ADCY9: variants seen among roughly 807,000 people sequenced by gnomAD.
ADCY9 encodes the protein adenylate cyclase 9.
In ADCY9, 50 loss-of-function variants were observed where a neutral mutation model predicts 101.5. The ratio of observed to expected loss-of-function variants is 0.49; its 90% CI spans 0.39 to 0.62. The LOEUF is 0.62. Among genes scored for constraint, ADCY9 ranks in the 20% least tolerant of loss-of-function variants. The pLI, the probability that ADCY9 is intolerant of heterozygous loss-of-function variation, is 0.00. For missense variants in ADCY9, 1,662 were observed against 1,800.4 expected (o/e 0.92, Z 1.39); for synonymous variants, 905 against 769.3 (o/e 1.18, Z -2.92).
intron 2 of ADCY9, among the ~76,000 whole-genome samples, chr16:4,109,229 G>T (rs1372488115): frequency 1.3e-5 from 2 of 151,648 alleles, no homozygotes; most frequent in Non-Finnish European, 2.9e-5. Flanking sequence ...CTATTTGAAG[G>T]CCTGGTTTTT....
intron 8 of ADCY9, among the ~76,000 whole-genome samples, chr16:3,978,876 T>C (rs2531987): frequency 0.69 from 104,187 of 152,018 alleles, 37,057 homozygotes; most frequent in Non-Finnish European, 0.78. Flanking sequence ...CCTGCCACCA[T>C]GACCAGCTAA....
At chr16:4,091,120 C>T (rs1195890995) in intron 2 of ADCY9, among the ~76,000 whole-genome samples, 1 of 152,032 alleles carries the variant, frequency 6.6e-6, no homozygotes, top group African/African-American at 2.4e-5. Flanking sequence ...GTCACCCAGG[C>T]TGGAGCGCAG....
intron 6 of ADCY9, among the ~76,000 whole-genome samples, chr16:3,987,726 G>T (rs986923168): frequency 5.9e-5 from 9 of 152,320 alleles, no homozygotes; most frequent in African/African-American, 2.2e-4. Context: ...GGTCTCTCTA[G>T]AGCCCAAGCC....
intron 2 of ADCY9, among the ~76,000 whole-genome samples, chr16:4,027,080 C>T (rs1165345938): frequency 6.6e-6 from 1 of 152,158 alleles, no homozygotes; most frequent in Non-Finnish European, 1.5e-5. Context: ...TGCAACCAAT[C>T]AGACTGGTCA....
intron 5 of ADCY9, among the ~76,000 whole-genome samples, chr16:3,989,881 A>G (rs1018220898): frequency 2.6e-5 from 4 of 152,236 alleles, no homozygotes; most frequent in African/African-American, 9.7e-5. Flanking sequence ...CGTAAAAGCT[A>G]ACAGGTTGTT....
At chr16:4,098,235 T>G (rs945309643) in intron 2 of ADCY9, among the ~76,000 whole-genome samples, 13 of 151,686 alleles carry the variant, frequency 8.6e-5, no homozygotes, top group African/African-American at 1.7e-4. Flanking sequence ...TTTTGTTTTG[T>G]TTTTGTTTTT....
chr16:4,084,100 TTTTG>T (rs1290966234), intron 2 of ADCY9, among the ~76,000 whole-genome samples: 3 of 151,970 alleles, frequency 2.0e-5, no homozygotes, highest in Non-Finnish European at 4.4e-5. Flanking sequence ...TAAAGCTTTC[TTTTG>T]TTTGTTTTGT....
At position 3,971,080 on chromosome 16, in the gene ADCY9, G is replaced by A. The variant is rs181161586; in HGVS notation, c.2870+3589C>T. 1.8e-3 allele frequency among the ~76,000 whole-genome samples: 281 copies of A among 152,202 alleles called. 1 individual carries two copies. Among genetic ancestry groups the A allele is most frequent in the African/African-American group, 6.4e-3 (267 of 41,518 alleles). On this transcript the variant is annotated intron_variant, in intron 10 of 10. Transcript: ENST00000294016. ...ATAAGGAGGTTTACGCTGAATACCC[G>A]CTTTCCTGCTGGAAGTCTGGAATTT...
intron 2 of ADCY9, among the ~76,000 whole-genome samples, chr16:4,068,630 C>A (rs537744691): frequency 6.6e-6 from 1 of 151,822 alleles, no homozygotes; most frequent in African/African-American, 2.4e-5. Context: ...CTGGCTAACA[C>A]GGTGAAACCC....
At chr16:3,984,573 C>G (rs2056174504) in intron 6 of ADCY9, among the ~76,000 whole-genome samples, 1 of 152,168 alleles carries the variant, frequency 6.6e-6, no homozygotes, top group African/African-American at 2.4e-5. Flanking sequence ...AGGGGCTACC[C>G]CTAGGGCACA....
At chr16:3,969,614 T>TATATACACGTA (rs1567414929) in intron 10 of ADCY9, among the ~76,000 whole-genome samples, 49 of 50,716 alleles carry the variant, frequency 9.7e-4, no homozygotes, top group Non-Finnish European at 1.5e-3. Context: ...ATATATGTAT[T>TATATACACGTA]TTTTTTTTTT....
chr16:3,978,842 C>A (rs1469087952), intron 8 of ADCY9, among the ~76,000 whole-genome samples: 1 of 152,182 alleles, frequency 6.6e-6, no homozygotes, highest in African/African-American at 2.4e-5. Flanking sequence ...GCCTCAGCCT[C>A]CCAAGTAGCT....
At chr16:4,069,466 C>A (rs551803217) in intron 2 of ADCY9, among the ~76,000 whole-genome samples, 1 of 150,960 alleles carries the variant, frequency 6.6e-6, no homozygotes, top group Non-Finnish European at 1.5e-5. Context: ...CACTTGGTGC[C>A]GAGTCTGACA....
intron 2 of ADCY9, chr16:4,031,907 TAAATTA>T (rs1277032516): frequency 6.6e-6 from 1 of 151,094 alleles, no homozygotes; most frequent in Admixed American, 6.6e-5. Flanking sequence ...TAATTAAAAT[TAAATTA>T]AAAGTTGGAG....
chr16:4,017,114 T>C (rs1321494949), intron 2 of ADCY9, among the ~76,000 whole-genome samples: 5 of 138,936 alleles, frequency 3.6e-5, no homozygotes, highest in African/African-American at 1.2e-4. Context: ...CAGTGAGCTA[T>C]GACTGTGTCA....
chr16:3,957,306 A>T (rs2055912736), intron 5 of ADCY9, among the ~76,000 whole-genome samples: 1 of 152,254 alleles, frequency 6.6e-6, no homozygotes, highest in African/African-American at 2.4e-5. Context: ...AGGAGGCTCC[A>T]GGGGTTTTCA....
chr16:4,011,158 C>A (rs1053949480), intron 2 of ADCY9, among the ~76,000 whole-genome samples: 1 of 152,054 alleles, frequency 6.6e-6, no homozygotes, highest in Non-Finnish European at 1.5e-5. Context: ...AGGCCAGGGG[C>A]GGGGGTGGCT....
intron 5 of ADCY9, among the ~76,000 whole-genome samples, chr16:3,954,537 A>C (rs1177692627): frequency 6.6e-6 from 1 of 152,160 alleles, no homozygotes; most frequent in Non-Finnish European, 1.5e-5. Flanking sequence ...GGCAGCTTAC[A>C]GGGAATGGCT....
chr16:4,074,442 C>A (rs746488494), intron 2 of ADCY9, among the ~76,000 whole-genome samples: 1 of 151,522 alleles, frequency 6.6e-6, no homozygotes, highest in Non-Finnish European at 1.5e-5. Context: ...TGCCTGTAAT[C>A]CCAGCACTTT....
Sources: allele counts gnomAD v4.1 joint callset (sites outside exome capture counted in the v4.1 genomes callset), GRCh38; gene constraint gnomAD v4.1.1; transcripts MANE v1.5; gene names NCBI Gene and HGNC (gene_info 2026-07-23, HGNC 2026-07-21).